Variants in NEDD4L observed in about 807,000 individuals in gnomAD.
NEDD4L encodes NEDD4 like E3 ubiquitin protein ligase.
NEDD4L carries 54 observed loss-of-function variants against 148.9 expected under a neutral mutation model. That is an observed-to-expected ratio of 0.36 (90% CI 0.29 to 0.45). The LOEUF (loss-of-function observed/expected upper bound fraction) is 0.45. NEDD4L is among the 20% of genes least tolerant of loss of function. The pLI is 1.00. For missense variants in NEDD4L, 856 were observed against 1,233.8 expected, an observed-to-expected ratio of 0.69 and a Z score of 4.59; for synonymous variants, 433 against 440.7, an observed-to-expected ratio of 0.98 and a Z score of 0.22.
intron 2 of NEDD4L, among the ~76,000 whole-genome samples, chr18:58,186,157 G>A (rs140522371): frequency 4.7e-4 from 71 of 152,312 alleles, no homozygotes; most frequent in African/African-American, 1.2e-3. Context: ...TGACGGAGTC[G>A]CAGATTAGAA....
chr18:58,288,460 G>T (rs932740780), intron 5 of NEDD4L, among the ~76,000 whole-genome samples: 1 of 152,174 alleles, frequency 6.6e-6, no homozygotes, highest in African/African-American at 2.4e-5. Flanking sequence ...TGCAAGGTAG[G>T]CTGTAATATG....
At chr18:58,393,687 A>G (rs781570112) in intron 30 of NEDD4L, among the ~76,000 whole-genome samples, 6 of 152,230 alleles carry the variant, frequency 3.9e-5, no homozygotes, top group Non-Finnish European at 7.3e-5. Flanking sequence ...ATTTTGACAT[A>G]GGAAACAGAA....
chr18:58,190,842 A>C (rs1334564812), intron 2 of NEDD4L, among the ~76,000 whole-genome samples: 1 of 152,200 alleles, frequency 6.6e-6, no homozygotes, highest in African/African-American at 2.4e-5. Flanking sequence ...CAGTGATAAA[A>C]AGGCTGGGTA....
At chr18:58,200,640 A>G (rs2041287154) in intron 2 of NEDD4L, among the ~76,000 whole-genome samples, 1 of 152,234 alleles carries the variant, frequency 6.6e-6, no homozygotes, top group South Asian at 2.1e-4. Context: ...TGTTGGCTTT[A>G]GGTTCGTGAA....
At chr18:58,196,391 G>GT (rs2040694180) in intron 2 of NEDD4L, among the ~76,000 whole-genome samples, 2 of 152,150 alleles carry the variant, frequency 1.3e-5, no homozygotes, top group African/African-American at 4.8e-5. Flanking sequence ...CCTAACTTGA[G>GT]TTTTTACATG....
chr18:58,198,825 A>G (rs1456906556), intron 2 of NEDD4L, among the ~76,000 whole-genome samples: 1 of 152,200 alleles, frequency 6.6e-6, no homozygotes, highest in African/African-American at 2.4e-5. Flanking sequence ...TTTGTTTGAG[A>G]TGGAGTTTCA....
chr18:58,177,923 A>G (rs2038370904), intron 2 of NEDD4L, among the ~76,000 whole-genome samples: 1 of 152,220 alleles, frequency 6.6e-6, no homozygotes, highest in South Asian at 2.1e-4. Flanking sequence ...CCTTTCCTAC[A>G]TGCTATAGGT....
At position 58,357,342 on chromosome 18, in the gene NEDD4L, A is replaced by G. The variant is rs192241765; in HGVS notation, c.1767+90A>G. 2.9e-5 allele frequency: 33 copies of G among 1,128,366 alleles called. No individual in the cohort carries two copies. In the Middle Eastern group the frequency reaches 5.8e-4, roughly 20 times the overall value. The allele number at this position is 1,128,366 out of a possible 1,614,324, so 69.9% of individuals were successfully genotyped here. A position where few individuals can be genotyped will look rare whatever the true frequency, so the allele number is the denominator to read the frequency against. On this transcript the variant is annotated intron_variant, in intron 19 of 30. Coordinates refer to ENST00000400345, the MANE Select transcript of NEDD4L (RefSeq NM_001144967.3). ...TGTATTACTGATAACGGTGATGTCA[A>G]GGGACAACGGTGATTGAGTAGTTGA... is the stretch of plus-strand genomic sequence containing the variant.
At chr18:58,387,682 G>A (rs914144573) in intron 27 of NEDD4L, 184 bp downstream of exon 27, 25 of 672,408 alleles carry the variant, frequency 3.7e-5, no homozygotes, top group Non-Finnish European at 5.5e-5. Context: ...TCTCTTATGG[G>A]GCTTGTTTGC....
intron 6 of NEDD4L, 106 bp from the exon 7 acceptor site, chr18:58,322,319 C>A: frequency 1.2e-6 from 1 of 806,830 alleles, no homozygotes; most frequent in Non-Finnish European, 2.1e-6. Context: ...TTCAGCGGTG[C>A]CACATTCTAA....
Position 58,165,808 on chromosome 18 carries a change from A to G in NEDD4L, c.69A>G (p.Arg23=), listed in dbSNP as rs2036783008. ...SEDEGESRIL[R]VKVVSGIDLA... ...CACAGGGAGAGTCCCGTATTCTCAG[A>G]GTAAAAGTTGTTTCTGGAATTGATC... The change falls in exon 2 of 31, where the codon AGA becomes AGG. Residue 23 remains arginine, a synonymous_variant. Transcript: ENST00000400345. 1 of 1,611,382 alleles carries G rather than the reference A, an allele frequency of 6.2e-7. No homozygotes were observed. Among genetic ancestry groups the G allele is most frequent in the Non-Finnish European group, 8.5e-7 (1 of 1,178,634 alleles).
At chr18:58,260,827 T>C (rs1254778843) in intron 5 of NEDD4L, among the ~76,000 whole-genome samples, 2 of 152,224 alleles carry the variant, frequency 1.3e-5, no homozygotes, top group African/African-American at 2.4e-5. Context: ...AGAGAAGGCT[T>C]CTTTGGGGAT....
At chr18:58,073,667 T>G (rs1394691945) in intron 1 of NEDD4L, among the ~76,000 whole-genome samples, 1 of 151,954 alleles carries the variant, frequency 6.6e-6, no homozygotes, top group African/African-American at 2.4e-5. Flanking sequence ...AGACAAGAAA[T>G]AGATGAGTGT....
chr18:58,245,846 A>ATTTTTTTTTTTTTT (rs58940181), intron 3 of NEDD4L, among the ~76,000 whole-genome samples: 26 of 91,550 alleles, frequency 2.8e-4, no homozygotes, highest in East Asian at 6.3e-4. Flanking sequence ...ATGCCTGGCT[A>ATTTTTTTTTTTTTT]TTTTTTTTTT....
intron 1 of NEDD4L, among the ~76,000 whole-genome samples, chr18:58,144,448 C>G (rs1335013490): frequency 1.3e-5 from 2 of 152,070 alleles, no homozygotes; most frequent in Non-Finnish European, 2.9e-5. Context: ...GGATCCACCC[C>G]CATGACCCAA....
In NEDD4L at chr18:58,283,050, C is replaced by CTTATTTAT. The variant is rs10555499; in HGVS notation, c.297+31032_297+31039dup. 3.3e-3 allele frequency among the ~76,000 whole-genome samples: 501 copies of CTTATTTAT among 150,272 alleles called. 3 individuals carry two copies. Among genetic ancestry groups the CTTATTTAT allele is most frequent in the South Asian group, 0.011 (50 of 4,642 alleles). On this transcript the variant is annotated intron_variant, in intron 5 of 30. Coordinates refer to ENST00000400345, the MANE Select transcript of NEDD4L (RefSeq NM_001144967.3). ...AGGAACGTGATAAATTGCACACTGC[C>CTTATTTAT]TTATTTATTTATTTATTTATTTATT...
chr18:58,333,671 G>A (rs765597750), intron 11 of NEDD4L, 147 bp from the exon 12 acceptor site: 34 of 656,878 alleles, frequency 5.2e-5, no homozygotes, highest in Non-Finnish European at 6.6e-5. Context: ...AAGGATGACT[G>A]TCCTTGCTCT....
At chr18:58,060,175 G>C (rs1002164525) in intron 1 of NEDD4L, among the ~76,000 whole-genome samples, 3 of 152,132 alleles carry the variant, frequency 2.0e-5, no homozygotes, top group African/African-American at 7.2e-5. Flanking sequence ...GCTGAGGCCT[G>C]AGTGGCCAGA....
At chr18:58,240,278 CAG>C (rs1435632971) in intron 2 of NEDD4L, among the ~76,000 whole-genome samples, 1 of 151,980 alleles carries the variant, frequency 6.6e-6, no homozygotes, top group African/African-American at 2.4e-5. Context: ...TTTGTTTACT[CAG>C]TGAAAAATAC....
Sources: gnomAD v4.1 joint callset for allele counts (sites outside exome capture counted in the v4.1 genomes callset) on GRCh38, gnomAD v4.1.1 for gene constraint, MANE v1.5 for transcripts, NCBI Gene and HGNC (gene_info 2026-07-23, HGNC 2026-07-21) for gene names.